The following APOL4 variants were observed in gnomAD, a reference collection of about 807,000 sequenced individuals.
The protein encoded by APOL4 is apolipoprotein L4.
A neutral mutation model predicts 12.1 loss-of-function variants in APOL4; 14 were observed. The ratio of observed to expected loss-of-function variants is 1.16; its 90% CI spans 0.76 to 1.81. The LOEUF (loss-of-function observed/expected upper bound fraction) is 1.81. Among genes scored for constraint, APOL4 ranks in the 40% most tolerant of loss-of-function variants. The probability of loss-of-function intolerance (pLI) is 0.00; values close to 1 mark genes in which losing one functional copy is unlikely to be tolerated. For synonymous variants in APOL4, 171 were observed against 160.6 expected, an observed-to-expected ratio of 1.06 and a Z score of -0.49; for missense variants, 432 against 423.1, an observed-to-expected ratio of 1.02 and a Z score of -0.18.
intron 2 of APOL4, chr22:36,197,899 A>C: frequency 1.4e-6 from 2 of 1,473,872 alleles, no homozygotes; most frequent in Non-Finnish European, 1.8e-6. Context: ...GGTCTGACCC[A>C]CCTTTCACCC....
At chr22:36,197,468 T>C (rs778635268) in intron 2 of APOL4, 767 of 939,158 alleles carry the variant, frequency 8.2e-4, no homozygotes, top group Non-Finnish European at 9.2e-4. Flanking sequence ...AGCACTAAAT[T>C]TGTGTTTTAT....
At chr22:36,203,997 TGAGG>T (rs946053667), upstream of APOL4, among the ~76,000 whole-genome samples, 13 of 152,066 alleles carry the variant, frequency 8.5e-5, no homozygotes, top group African/African-American at 3.1e-4. Flanking sequence ...GGGACAGAGG[TGAGG>T]GCCACAGACA....
chr22:36,204,416 C>T (rs981987450), upstream of APOL4, among the ~76,000 whole-genome samples: 2 of 152,176 alleles, frequency 1.3e-5, no homozygotes. Flanking sequence ...TATTTCCCCA[C>T]CTCTCTCTAC....
At chr22:36,201,332 C>T (rs1258025725) in intron 1 of APOL4, among the ~76,000 whole-genome samples, 1 of 150,064 alleles carries the variant, frequency 6.7e-6, no homozygotes, top group African/African-American at 2.5e-5. Flanking sequence ...GGGTTCCATC[C>T]TCCAGCTCTC....
At chr22:36,197,794 G>C (rs1347544177) in intron 2 of APOL4, 1 of 1,550,208 alleles carries the variant, frequency 6.5e-7, no homozygotes, top group Non-Finnish European at 8.7e-7. Flanking sequence ...GCTGTAACCA[G>C]CTGTAGGGAC....
intron 2 of APOL4, chr22:36,197,405 C>T (rs923381397): frequency 2.5e-5 from 12 of 480,936 alleles, no homozygotes; most frequent in African/African-American, 2.2e-4. Context: ...TTTTCTTTTT[C>T]CTTCTTCACC....
At chr22:36,199,557 C>G (rs747174330) in intron 1 of APOL4, 181 bp from the exon 2 acceptor site, 115 of 1,572,648 alleles carry the variant, frequency 7.3e-5, no homozygotes, top group Middle Eastern at 1.7e-4. Context: ...ACACTCAACT[C>G]ATTCCAGCTC....
At chr22:36,193,327 G>A (rs929073254) in intron 3 of APOL4, among the ~76,000 whole-genome samples, 2 of 152,094 alleles carry the variant, frequency 1.3e-5, no homozygotes, top group African/African-American at 2.4e-5. Flanking sequence ...CCTGAATAAA[G>A]GCTTCCTTCC....
At chr22:36,193,070 C>T (rs968522741) in intron 3 of APOL4, among the ~76,000 whole-genome samples, 6 of 152,232 alleles carry the variant, frequency 3.9e-5, no homozygotes, top group Non-Finnish European at 7.3e-5. Context: ...GAGAGGATCC[C>T]CCCAGCTTGC....
rs1299838089 is a variant in APOL4, at chr22:36,190,400, T to C, written c.*675A>G. ...GACAGGGTTTTGAGAGCAACCGGTC[T>C]GACCAAAATTTATTAGGCGGGAATT... On this transcript the variant is annotated 3_prime_UTR_variant, in exon 4 of 4. Coordinates refer to ENST00000683024, the MANE Select transcript of APOL4 (RefSeq NM_001386885.1). 2.6e-5 allele frequency: 4 copies of C among 152,288 alleles called. No homozygotes were observed. The highest frequency in any genetic ancestry group is 4.8e-5 in the African/African-American group (2 of 41,452). The allele number at this position is 152,288 out of a possible 1,614,324, so 9.4% of individuals were successfully genotyped here. A position where few individuals can be genotyped will look rare whatever the true frequency, so the allele number is the denominator to read the frequency against.
upstream of APOL4, among the ~76,000 whole-genome samples, chr22:36,203,443 T>C (rs1169002851): frequency 6.6e-6 from 1 of 152,230 alleles, no homozygotes; most frequent in African/African-American, 2.4e-5. Context: ...TGCATTTGTA[T>C]GTAGAAGTAC....
Position 36,191,502 on chromosome 22 carries a change from G to A in APOL4, c.620C>T (p.Thr207Ile). 6.2e-7 allele frequency: 1 copy of A among 1,614,066 alleles called. No homozygotes were observed. Among genetic ancestry groups the A allele is most frequent in the South Asian group, 1.1e-5 (1 of 91,080 alleles). Residue 207 changes from threonine (T) to isoleucine (I), a missense_variant, in exon 4 of 4, where the codon ACC becomes ATC. Coordinates refer to ENST00000683024, the MANE Select transcript of APOL4 (RefSeq NM_001386885.1). ...TAATGCCTCCAATTGGTCAGTGCTG[G>A]TTGCAGTCAGCCTGCTGGCTGTGAG... ...AELTASRLTA[T>I]STDQLEALRD...
chr22:36,202,381 A>G (rs1343001755), upstream of APOL4, among the ~76,000 whole-genome samples: 2 of 152,190 alleles, frequency 1.3e-5, no homozygotes, highest in Admixed American at 6.5e-5. Flanking sequence ...CAGCACTGGG[A>G]TTACAGGCTT....
intron 3 of APOL4, among the ~76,000 whole-genome samples, chr22:36,193,761 C>A (rs1027308867): frequency 6.6e-6 from 1 of 152,168 alleles, no homozygotes; most frequent in African/African-American, 2.4e-5. Context: ...TGCCTCATGC[C>A]CTTTGACGTT....
chr22:36,203,214 G>A (rs2014635221), upstream of APOL4, among the ~76,000 whole-genome samples: 1 of 152,200 alleles, frequency 6.6e-6, no homozygotes, highest in Admixed American at 6.5e-5. Context: ...GGATCGGCAG[G>A]TTGAGAAATA....
intron 2 of APOL4, among the ~76,000 whole-genome samples, chr22:36,197,062 C>T (rs746260907): frequency 2.0e-5 from 3 of 152,160 alleles, no homozygotes; most frequent in South Asian, 2.1e-4. Flanking sequence ...TCAGGGTACA[C>T]GGCTCCCCAC....
intron 2 of APOL4, among the ~76,000 whole-genome samples, chr22:36,195,828 G>A (rs1603478185): frequency 2.0e-5 from 3 of 147,534 alleles, no homozygotes; most frequent in African/African-American, 5.1e-5. Flanking sequence ...CACTGTGAAG[G>A]CCATGTGAGG....
intron 2 of APOL4, chr22:36,197,981 C>A: frequency 7.9e-7 from 1 of 1,262,592 alleles, no homozygotes. Flanking sequence ...AACAAAACTG[C>A]GTGGCCCCCC....
intron 2 of APOL4, chr22:36,197,802 G>A: frequency 1.9e-6 from 3 of 1,549,964 alleles, no homozygotes; most frequent in Non-Finnish European, 1.7e-6. Context: ...CAGCTGTAGG[G>A]ACAGGGGGAG....
Sources: gnomAD v4.1 joint callset for allele counts (sites outside exome capture counted in the v4.1 genomes callset) on GRCh38, gnomAD v4.1.1 for gene constraint, MANE v1.5 for transcripts, NCBI Gene and HGNC (gene_info 2026-07-23, HGNC 2026-07-21) for gene names.